The following ATP11B variants were observed in gnomAD, a reference collection of about 807,000 sequenced individuals.
ATP11B encodes ATPase phospholipid transporting 11B (putative).
Under a neutral mutation model 157.8 loss-of-function variants are expected in ATP11B, and 81 were observed. That is an observed-to-expected ratio of 0.51 (90% CI 0.43 to 0.62). ATP11B has a LOEUF of 0.62. Among genes scored for constraint, ATP11B ranks in the 20% least tolerant of loss-of-function variants. The pLI, the probability that ATP11B is intolerant of heterozygous loss-of-function variation, is 0.00. For synonymous variants in ATP11B, 451 were observed against 469.4 expected (o/e 0.96, Z 0.51); for missense variants, 1,165 against 1,402.2 (o/e 0.83, Z 2.70).
At position 182,865,360 on chromosome 3, in the gene ATP11B, C is replaced by G. The variant is rs545531721; in HGVS notation, c.1201-96C>G. ...CCATATATCAATATTAATAGATAAA[C>G]TGGACTTCAGGAGAGCGAGGACAGA... On this transcript the variant is annotated intron_variant, in intron 12 of 29. Transcript: ENST00000323116. 4.2e-6 allele frequency: 5 copies of G among 1,199,466 alleles called. No individual in the cohort carries two copies. In the East Asian group the frequency reaches 1.2e-4, roughly 29 times the overall value. The allele number at this position is 1,199,466 out of a possible 1,614,324, so 74.3% of individuals were successfully genotyped here. A position where few individuals can be genotyped will look rare whatever the true frequency, so the allele number is the denominator to read the frequency against.
chr3:182,842,197 G>T (rs1476874695), intron 8 of ATP11B, 75 bp downstream of exon 8: 12 of 1,045,906 alleles, frequency 1.1e-5, no homozygotes, highest in Non-Finnish European at 1.7e-5. Flanking sequence ...GTTCCAAAGG[G>T]AGATTATGTA....
At chr3:182,828,490 T>A (rs567283430) in intron 3 of ATP11B, among the ~76,000 whole-genome samples, 1 of 152,202 alleles carries the variant, frequency 6.6e-6, no homozygotes, top group Admixed American at 6.5e-5. Context: ...CTAATATCTT[T>A]CAGATATTCT....
At chr3:182,857,393 C>T (rs945441530) in intron 10 of ATP11B, among the ~76,000 whole-genome samples, 3 of 152,016 alleles carry the variant, frequency 2.0e-5, no homozygotes, top group East Asian at 1.9e-4. Context: ...GTGATCCACC[C>T]GCCTCGGTCT....
chr3:182,841,321 G>A (rs528720493), intron 7 of ATP11B, among the ~76,000 whole-genome samples: 2 of 152,280 alleles, frequency 1.3e-5, no homozygotes, highest in South Asian at 2.1e-4. Flanking sequence ...CCACTAGAAT[G>A]TAAACTCTAG....
chr3:182,867,121 G>A (rs892200242), intron 14 of ATP11B, among the ~76,000 whole-genome samples: 2 of 151,254 alleles, frequency 1.3e-5, no homozygotes, highest in African/African-American at 2.4e-5. Flanking sequence ...TAGAGATTGG[G>A]TTTCGCCATG....
chr3:182,876,023 G>A (rs1251600648), intron 19 of ATP11B, among the ~76,000 whole-genome samples: 2 of 151,928 alleles, frequency 1.3e-5, no homozygotes, highest in Admixed American at 6.6e-5. Flanking sequence ...GAGGTGGATC[G>A]CTTGAGCCCA....
intron 4 of ATP11B, among the ~76,000 whole-genome samples, chr3:182,834,582 A>G (rs1718396594): frequency 6.6e-6 from 1 of 152,176 alleles, no homozygotes; most frequent in Non-Finnish European, 1.5e-5. Flanking sequence ...TCTTTCTTAG[A>G]TATGATTCCA....
intron 10 of ATP11B, among the ~76,000 whole-genome samples, chr3:182,857,563 T>TAAAA (rs35003893): frequency 6.9e-6 from 1 of 144,184 alleles, no homozygotes. Flanking sequence ...GCTGAAAATG[T>TAAAA]AAAAAAAAAA....
At chr3:182,893,723 G>A (rs1252552246) in intron 25 of ATP11B, among the ~76,000 whole-genome samples, 2 of 152,172 alleles carry the variant, frequency 1.3e-5, no homozygotes, top group African/African-American at 4.8e-5. Context: ...GGGATTGCTG[G>A]ATCAAATGGT....
chr3:182,918,211 TGTAGTA>T lies in ATP11B; in HGVS notation c.*110_*115del. 1.3e-6 allele frequency: 2 copies of T among 1,515,520 alleles called. No homozygotes were observed. Among genetic ancestry groups the T allele is most frequent in the South Asian group, 2.6e-5 (2 of 76,612 alleles). 93.9% of individuals were successfully genotyped at this position (1,515,520 alleles called of 1,614,324 possible). Reference sequence around the variant, plus strand: ...CTCTGAAATTAATTTCCAAAATCTTTGTAGTAGTTCATACCCACTCAGAGTTATAAT... The same window carrying T: ...CTCTGAAATTAATTTCCAAAATCTTTGTTCATACCCACTCAGAGTTATAAT... On this transcript the variant is annotated 3_prime_UTR_variant, in exon 30 of 30. Transcript: ENST00000323116.
intron 2 of ATP11B, among the ~76,000 whole-genome samples, chr3:182,825,266 C>T (rs2030584): frequency 0.7 from 106,541 of 152,098 alleles, 37,782 homozygotes; most frequent in Non-Finnish European, 0.76. Context: ...TTTTTTCATA[C>T]ACTTTACCTT....
intron 10 of ATP11B, among the ~76,000 whole-genome samples, chr3:182,857,132 T>G (rs1720463185): frequency 6.6e-6 from 1 of 152,154 alleles, no homozygotes; most frequent in African/African-American, 2.4e-5. Flanking sequence ...ATTTCCCCTT[T>G]ACAGGGTTTT....
chr3:182,886,893 A>G (rs901895560), intron 23 of ATP11B, among the ~76,000 whole-genome samples: 1 of 152,166 alleles, frequency 6.6e-6, no homozygotes, highest in African/African-American at 2.4e-5. Context: ...TTGGGCATTG[A>G]TTACCGATAA....
chr3:182,884,651 C>A, intron 21 of ATP11B, 102 bp from the exon 22 acceptor site: 1 of 1,174,708 alleles, frequency 8.5e-7, no homozygotes, highest in Non-Finnish European at 1.2e-6. Context: ...ATTTAATGTT[C>A]CTAAGTGCAT....
At chr3:182,815,802 G>T (rs968125345) in intron 1 of ATP11B, among the ~76,000 whole-genome samples, 4 of 152,110 alleles carry the variant, frequency 2.6e-5, no homozygotes. Context: ...TATAGTTTTA[G>T]TCTCTTCTTA....
intron 1 of ATP11B, among the ~76,000 whole-genome samples, chr3:182,817,016 A>G (rs1359529543): frequency 1.3e-5 from 2 of 152,146 alleles, no homozygotes; most frequent in East Asian, 1.9e-4. Context: ...AAATTTACCT[A>G]TTTTGCATAT....
At chr3:182,795,069 A>G (rs916367519) in intron 1 of ATP11B, among the ~76,000 whole-genome samples, 1 of 152,070 alleles carries the variant, frequency 6.6e-6, no homozygotes, top group Non-Finnish European at 1.5e-5. Context: ...AGAACTGCCT[A>G]CCACTCCCTC....
chr3:182,825,417 C>T (rs1026338836), intron 2 of ATP11B, among the ~76,000 whole-genome samples: 6 of 151,960 alleles, frequency 3.9e-5, no homozygotes, highest in Non-Finnish European at 7.4e-5. Flanking sequence ...ACTACATTAT[C>T]TTAAATTTAA....
intron 6 of ATP11B, among the ~76,000 whole-genome samples, chr3:182,836,821 T>G (rs903554661): frequency 2.0e-5 from 3 of 152,198 alleles, no homozygotes; most frequent in Non-Finnish European, 4.4e-5. Context: ...AAATTACTTA[T>G]GATAAAGTAA....
Sources: allele counts gnomAD v4.1 joint callset (sites outside exome capture counted in the v4.1 genomes callset), GRCh38; gene constraint gnomAD v4.1.1; transcripts MANE v1.5; gene names NCBI Gene and HGNC (gene_info 2026-07-23, HGNC 2026-07-21).